Variants in GRXCR1 observed in about 807,000 individuals in gnomAD.
GRXCR1 encodes the protein glutaredoxin and cysteine rich domain containing 1.
A neutral mutation model predicts 27.3 loss-of-function variants in GRXCR1; 27 were observed. The ratio of observed to expected loss-of-function variants is 0.99; its 90% CI spans 0.73 to 1.37. GRXCR1 has a LOEUF of 1.37. GRXCR1 is among the 40% of genes most tolerant of loss of function. GRXCR1 has a pLI of 0.00. For synonymous variants in GRXCR1, 122 were observed against 131.1 expected, an observed-to-expected ratio of 0.93 and a Z score of 0.47; for missense variants, 379 against 354.4, an observed-to-expected ratio of 1.07 and a Z score of -0.56.
intron 3 of GRXCR1, among the ~76,000 whole-genome samples, chr4:43,021,548 G>A (rs926629764): frequency 1.3e-5 from 2 of 152,130 alleles, no homozygotes; most frequent in African/African-American, 4.8e-5. Context: ...CATTTATTAA[G>A]TATCTACTGT....
intron 2 of GRXCR1, among the ~76,000 whole-genome samples, chr4:42,971,428 CAG>C (rs1306991960): frequency 1.3e-5 from 2 of 152,184 alleles, no homozygotes; most frequent in East Asian, 1.9e-4. Flanking sequence ...TTGTGAAAAA[CAG>C]AGGTTTAATT....
chr4:42,929,176 C>T (rs1265061823), intron 1 of GRXCR1, among the ~76,000 whole-genome samples: 1 of 151,846 alleles, frequency 6.6e-6, no homozygotes, highest in Non-Finnish European at 1.5e-5. Context: ...TAAGGATGAC[C>T]AGCTGTCACA....
chr4:42,943,769 C>G (rs1747678658), intron 1 of GRXCR1, among the ~76,000 whole-genome samples: 1 of 151,954 alleles, frequency 6.6e-6, no homozygotes, highest in Non-Finnish European at 1.5e-5. Context: ...CAGTGGCTCT[C>G]AAGTGGGTAA....
intron 1 of GRXCR1, among the ~76,000 whole-genome samples, chr4:42,949,757 G>T (rs956214885): frequency 6.6e-6 from 1 of 152,150 alleles, no homozygotes; most frequent in Non-Finnish European, 1.5e-5. Flanking sequence ...ATGATCATTA[G>T]TACAGTCAGA....
intron 2 of GRXCR1, among the ~76,000 whole-genome samples, chr4:42,995,213 AT>A (rs1712112869): frequency 6.6e-6 from 1 of 152,106 alleles, no homozygotes; most frequent in Non-Finnish European, 1.5e-5. Context: ...CTGTATAAAG[AT>A]TTTTGTTCCT....
intron 1 of GRXCR1, among the ~76,000 whole-genome samples, chr4:42,901,833 C>T (rs757150431): frequency 3.9e-5 from 6 of 152,158 alleles, no homozygotes; most frequent in Admixed American, 3.3e-4. Context: ...GAGTGTATTT[C>T]CACAGCCCTT....
At chr4:42,950,257 A>G (rs1747850933) in intron 1 of GRXCR1, among the ~76,000 whole-genome samples, 1 of 152,146 alleles carries the variant, frequency 6.6e-6, no homozygotes, top group Admixed American at 6.6e-5. Flanking sequence ...CCATTGTTCA[A>G]TATTGTAGTC....
Position 42,995,717 on chromosome 4 carries a change from T to C in GRXCR1, c.628-24637T>C, listed in dbSNP as rs1298282885. 2.0e-5 allele frequency among the ~76,000 whole-genome samples: 3 copies of C among 152,344 alleles called. No individual in the cohort carries two copies. The East Asian group carries it at 5.8e-4, about 29-fold the overall frequency. ...TCTTTCGGTCAATAAAATAAATTGG[T>C]GAATCAGGCAATGATATTTTAAATT... is the stretch of plus-strand genomic sequence containing the variant. On this transcript the variant is annotated intron_variant, in intron 2 of 3. Transcript: ENST00000399770.
chr4:42,932,589 T>TGGAACTCCCTTCC (rs1231411536), intron 1 of GRXCR1, among the ~76,000 whole-genome samples: 30 of 42,950 alleles, frequency 7.0e-4, no homozygotes, highest in Non-Finnish European at 1.1e-3. Flanking sequence ...TATATATATA[T>TGGAACTCCCTTCC]ATATATATAT....
chr4:42,990,427 G>A (rs1042082801), intron 2 of GRXCR1, among the ~76,000 whole-genome samples: 1 of 151,328 alleles, frequency 6.6e-6, no homozygotes, highest in Non-Finnish European at 1.5e-5. Flanking sequence ...TCCTGACCTC[G>A]TGATCTGCCC....
At chr4:42,896,899 T>C (rs1018674033) in intron 1 of GRXCR1, among the ~76,000 whole-genome samples, 8 of 152,104 alleles carry the variant, frequency 5.3e-5, no homozygotes, top group Admixed American at 3.3e-4. Context: ...CCAACAGCCA[T>C]GTTTCCCATG....
intron 1 of GRXCR1, among the ~76,000 whole-genome samples, chr4:42,915,163 A>G (rs1007237716): frequency 6.6e-6 from 1 of 152,162 alleles, no homozygotes; most frequent in Non-Finnish European, 1.5e-5. Context: ...CCTGGGCAGC[A>G]GTAAAAGAGG....
chr4:42,933,639 A>G (rs1747382573), intron 1 of GRXCR1, among the ~76,000 whole-genome samples: 1 of 151,886 alleles, frequency 6.6e-6, no homozygotes, highest in South Asian at 2.1e-4. Flanking sequence ...ATGAGCATGG[A>G]GCCCTCATAA....
At chr4:42,907,560 G>A (rs1374996590) in intron 1 of GRXCR1, among the ~76,000 whole-genome samples, 1 of 152,158 alleles carries the variant, frequency 6.6e-6, no homozygotes, top group African/African-American at 2.4e-5. Context: ...TTCTCAGGAA[G>A]TAGCTGCTGT....
chr4:42,942,281 A>G (rs1262635110), intron 1 of GRXCR1, among the ~76,000 whole-genome samples: 1 of 152,068 alleles, frequency 6.6e-6, no homozygotes, highest in Non-Finnish European at 1.5e-5. Context: ...AGTTTATTTA[A>G]AAATCAGATG....
At chr4:42,968,241 T>C (rs546199105) in intron 2 of GRXCR1, among the ~76,000 whole-genome samples, 64 of 152,230 alleles carry the variant, frequency 4.2e-4, no homozygotes, top group African/African-American at 1.5e-3. Flanking sequence ...TGGGTAGCCA[T>C]AGAGCTCATC....
chr4:42,992,499 T>C (rs1712005212), intron 2 of GRXCR1, among the ~76,000 whole-genome samples: 2 of 152,136 alleles, frequency 1.3e-5, no homozygotes, highest in Non-Finnish European at 2.9e-5. Flanking sequence ...CATCAGTTAA[T>C]GATCCAAATA....
In GRXCR1 at chr4:42,893,314, C is replaced by A. The variant is rs1357368855; in HGVS notation, c.48C>A (p.Val16=). Residue 16 remains valine, a synonymous_variant, in exon 1 of 4, where the codon GTC becomes GTA. Transcript: ENST00000399770. ...CAGAAAGTGACAGGCCACGGAAAGTCCGGTTTCGGATCGCGTCCTCTCACA... is the reference window on the plus strand; with the variant it reads ...CAGAAAGTGACAGGCCACGGAAAGTACGGTTTCGGATCGCGTCCTCTCACA... ...MKPESDRPRK[V]RFRIASSHSG... is the part of the protein sequence containing the mutation. The A allele has an allele frequency of 6.2e-7, 1 of 1,613,702 alleles. No individual in the cohort carries two copies. Among genetic ancestry groups the A allele is most frequent in the South Asian group, 1.1e-5 (1 of 91,070 alleles).
intron 2 of GRXCR1, among the ~76,000 whole-genome samples, chr4:43,009,051 C>T (rs988412854): frequency 2.0e-5 from 3 of 152,204 alleles, no homozygotes; most frequent in African/African-American, 7.2e-5. Context: ...TCAATCACAG[C>T]AACCTTGTAT....
Sources: gnomAD v4.1 joint callset for allele counts (sites outside exome capture counted in the v4.1 genomes callset) on GRCh38, gnomAD v4.1.1 for gene constraint, MANE v1.5 for transcripts, NCBI Gene and HGNC (gene_info 2026-07-23, HGNC 2026-07-21) for gene names.